The following GLI2 variants were observed in gnomAD, a reference collection of about 807,000 sequenced individuals.
GLI2 encodes GLI family zinc finger 2.
A neutral mutation model predicts 78.9 loss-of-function variants in GLI2; 22 were observed. The ratio of observed to expected loss-of-function variants is 0.28; its 90% CI spans 0.20 to 0.40. GLI2 has a LOEUF of 0.40. Ranked by LOEUF, GLI2 falls within the 10% of genes least tolerant of loss-of-function variation. The probability of loss-of-function intolerance (pLI) is 1.00; values close to 1 mark genes in which losing one functional copy is unlikely to be tolerated. For synonymous variants in GLI2, 974 were observed against 963.7 expected, an observed-to-expected ratio of 1.01 and a Z score of -0.20; for missense variants, 2,097 against 2,213.2, an observed-to-expected ratio of 0.95 and a Z score of 1.05.
intron 1 of GLI2, among the ~76,000 whole-genome samples, chr2:120,795,097 G>C (rs577066221): frequency 3.5e-4 from 53 of 152,294 alleles, no homozygotes; most frequent in Middle Eastern, 6.8e-3. Flanking sequence ...GGCCGAGTGT[G>C]GTAGTGTGCA....
At chr2:120,945,489 G>C (rs960934371) in intron 3 of GLI2, among the ~76,000 whole-genome samples, 1 of 152,138 alleles carries the variant, frequency 6.6e-6, no homozygotes, top group South Asian at 2.1e-4. Flanking sequence ...AGCACTTATG[G>C]CTGGGGTCTG....
intron 2 of GLI2, among the ~76,000 whole-genome samples, chr2:120,812,919 G>A (rs1261522439): frequency 6.6e-6 from 1 of 152,122 alleles, no homozygotes; most frequent in Non-Finnish European, 1.5e-5. Flanking sequence ...TCTTCTTTCT[G>A]TGTGTCCCCA....
intron 2 of GLI2, among the ~76,000 whole-genome samples, chr2:120,872,890 C>T (rs138449688): frequency 1.3e-5 from 2 of 152,228 alleles, no homozygotes; most frequent in African/African-American, 2.4e-5. Context: ...AGGCTAAACT[C>T]GAAACATTAA....
At chr2:120,911,303 A>G (rs546897536) in intron 2 of GLI2, among the ~76,000 whole-genome samples, 128 of 152,376 alleles carry the variant, frequency 8.4e-4, no homozygotes, top group Non-Finnish European at 1.3e-3. Flanking sequence ...TGGAGATAAT[A>G]GTAACAATAC....
chr2:120,829,800 C>CA (rs779670313), intron 2 of GLI2, among the ~76,000 whole-genome samples: 12 of 152,184 alleles, frequency 7.9e-5, no homozygotes, highest in Non-Finnish European at 1.8e-4. Flanking sequence ...CCCATTCCTT[C>CA]ATGGGGCACC....
At chr2:120,959,685 C>T (rs111420883) in intron 5 of GLI2, among the ~76,000 whole-genome samples, 146 of 152,200 alleles carry the variant, frequency 9.6e-4, no homozygotes, top group African/African-American at 3.5e-3. Flanking sequence ...CCCCCGGCCC[C>T]TCCCCTCCCG....
Position 120,799,543 on chromosome 2 carries a change from C to T in GLI2, c.148+2075C>T, listed in dbSNP as rs144957640. ...AGTCAGGGGAGAGCAGCTGTCCCTG[C>T]GTGGCGCAAAGCAGGGACATCGTGG... On this transcript the variant is annotated intron_variant, in intron 2 of 13. Coordinates refer to ENST00000361492, the MANE Select transcript of GLI2 (RefSeq NM_001374353.1). 4.9e-3 allele frequency among the ~76,000 whole-genome samples: 739 copies of T among 152,310 alleles called. 7 individuals carry two copies. The highest frequency in any genetic ancestry group is 0.017 in the African/African-American group (706 of 41,558).
At chr2:120,961,348 A>C (rs1368424791) in intron 5 of GLI2, among the ~76,000 whole-genome samples, 4 of 152,188 alleles carry the variant, frequency 2.6e-5, no homozygotes, top group Middle Eastern at 3.2e-3. Flanking sequence ...GGCCCAAGTC[A>C]GACAGGGATC....
At chr2:120,905,551 C>T (rs1447245816) in intron 2 of GLI2, among the ~76,000 whole-genome samples, 1 of 152,230 alleles carries the variant, frequency 6.6e-6, no homozygotes, top group Non-Finnish European at 1.5e-5. Context: ...AAGCCCTCCT[C>T]CTTTCCAGAC....
intron 2 of GLI2, among the ~76,000 whole-genome samples, chr2:120,890,442 CAT>C (rs70954512): frequency 0.028 from 4,237 of 149,582 alleles, 211 homozygotes; most frequent in African/African-American, 0.094. Context: ...CACACATTCA[CAT>C]ATATATATAT....
At chr2:120,933,861 GCCCTGC>G (rs1322594436) in intron 3 of GLI2, among the ~76,000 whole-genome samples, 1 of 137,214 alleles carries the variant, frequency 7.3e-6, no homozygotes, top group Non-Finnish European at 1.6e-5. Context: ...GCCCTGCCCT[GCCCTGC>G]CCTGCCCTGC....
In GLI2 at chr2:120,980,579, A is replaced by C. The variant is rs1012409470; in HGVS notation, c.1467+1996A>C. ...TGCAAATAATTCTCCCATTCTCTGG[A>C]TTTTCTTTTCATTTCCTTGATACTT... On this transcript the variant is annotated intron_variant, in intron 10 of 13. Transcript: ENST00000361492. Among the ~76,000 whole-genome samples the C allele has an allele frequency of 3.9e-5, 6 of 152,182 alleles. No individual in the cohort carries two copies. The South Asian group carries it at 1.2e-3, about 32-fold the overall frequency.
rs1354544321 is a variant in GLI2 at position 120,984,814 on chromosome 2, G to T, written c.1905+71G>T. ...CGTGCCCAGGGCCACCCCTTGCCAC[G>T]GTTGCGGGCTCTGCCCTAAGGCCCC... On this transcript the variant is annotated intron_variant, in intron 12 of 13. Transcript: ENST00000361492. 14 of 1,528,116 alleles carry T rather than the reference G, an allele frequency of 9.2e-6. No individual in the cohort carries two copies. In the Admixed American group the frequency reaches 2.4e-4, roughly 26 times the overall value. 94.7% of individuals were successfully genotyped at this position (1,528,116 alleles called of 1,614,324 possible).
intron 2 of GLI2, among the ~76,000 whole-genome samples, chr2:120,824,962 A>G (rs541683150): frequency 3.3e-5 from 5 of 152,118 alleles, no homozygotes; most frequent in South Asian, 4.2e-4. Flanking sequence ...CACCCTCCCA[A>G]GTAGCTGGGA....
chr2:120,890,868 G>A (rs1327150937), intron 2 of GLI2, among the ~76,000 whole-genome samples: 4 of 152,190 alleles, frequency 2.6e-5, no homozygotes, highest in African/African-American at 9.7e-5. Context: ...GCTTGGCTTC[G>A]TGAAGCTGGT....
At position 120,972,039 on chromosome 2, in the gene GLI2, G is replaced by T. The variant is rs141647925; in HGVS notation, c.1158G>T (p.Pro386=). 2 of 1,613,336 alleles carry T rather than the reference G, an allele frequency of 1.2e-6. No homozygotes were observed. Among genetic ancestry groups the T allele is most frequent in the South Asian group, 1.1e-5 (1 of 91,078 alleles). The change falls in exon 8 of 14, where the codon CCG becomes CCT. Residue 386 remains proline, a synonymous_variant. Coordinates refer to ENST00000361492, the MANE Select transcript of GLI2 (RefSeq NM_001374353.1). ...KVKTEPEGLR[P]ASPLALTQEQ... ...AGACCGAGCCTGAGGGCCTGCGGCC[G>T]GCCTCCCCTCTGGCGCTGACGCAGG...
In GLI2 at chr2:120,989,536, C is replaced by G. The variant is rs201103063; in HGVS notation, c.3571C>G (p.Arg1191Gly). ...CAGCACGCAGCCACACCTGCAGCCC[C>G]GCAGCGGAGCCCCCTCCCAGGGCAT... ...LDSTQPHLQP[R>G]SGAPSQGIPR... is the part of the protein sequence containing the mutation. Residue 1191 changes from arginine to glycine, a missense_variant, in exon 14 of 14, where the codon CGC (arginine) becomes GGC (glycine). Physicochemically the swap from Arg to Gly is moderately radical, Grantham distance 125. Around this residue, in one of 5 missense-constraint regions of GLI2, gnomAD observed 1,290 missense variants for 1,261.7 expected, o/e 1.02. Transcript: ENST00000361492. 7.4e-6 allele frequency: 12 copies of G among 1,612,424 alleles called. No individual in the cohort carries two copies. The highest frequency in any genetic ancestry group is 1.7e-5 in the Admixed American group (1 of 59,952).
chr2:120,853,927 G>C (rs990432947), intron 2 of GLI2, among the ~76,000 whole-genome samples: 4 of 146,864 alleles, frequency 2.7e-5, no homozygotes, highest in African/African-American at 1.0e-4. Context: ...GAGCAGCTTG[G>C]GGGTAACAGC....
Position 120,989,649 on chromosome 2 carries a change from C to G in GLI2, c.3684C>G (p.Ala1228=). 6.2e-7 allele frequency: 1 copy of G among 1,613,426 alleles called. No individual in the cohort carries two copies. Among genetic ancestry groups the G allele is most frequent in the Non-Finnish European group, 8.5e-7 (1 of 1,179,988 alleles). The change falls in exon 14 of 14, where the codon GCC becomes GCG. Residue 1228 remains alanine (A), a synonymous_variant. Transcript: ENST00000361492. ...TGACTACCACTATGAGCCCCCATGC[C>G]TGCTATGGCCAAGTCCACCCCCAGC... ...PGMTTTMSPH[A]CYGQVHPQLS...
Sources: allele counts gnomAD v4.1 joint callset (sites outside exome capture counted in the v4.1 genomes callset), GRCh38; gene constraint gnomAD v4.1.1; regional missense constraint gnomAD v4.1.1; transcripts MANE v1.5; gene names NCBI Gene and HGNC (gene_info 2026-07-23, HGNC 2026-07-21).